Variants in GRAMD1B observed in about 807,000 individuals in gnomAD.
The protein encoded by GRAMD1B is GRAM domain containing 1B.
In GRAMD1B, 37 loss-of-function variants were observed where a neutral mutation model predicts 99.7. The observed-to-expected ratio is 0.37, with a 90% CI of 0.29 to 0.49. The LOEUF (loss-of-function observed/expected upper bound fraction) is 0.49, where lower values mean the gene tolerates loss of function less well. Ranked by LOEUF, GRAMD1B falls within the 20% of genes least tolerant of loss-of-function variation. The probability of loss-of-function intolerance (pLI) is 0.98; values close to 1 mark genes in which losing one functional copy is unlikely to be tolerated. For missense variants in GRAMD1B, 888 were observed against 1,009.2 expected, an observed-to-expected ratio of 0.88 and a Z score of 1.63; for synonymous variants, 427 against 387.6, an observed-to-expected ratio of 1.10 and a Z score of -1.19.
chr11:123,453,269 T>G (rs770271949), intron 1 of GRAMD1B, among the ~76,000 whole-genome samples: 5 of 151,904 alleles, frequency 3.3e-5, no homozygotes, highest in East Asian at 1.9e-4. Context: ...TGTATATATC[T>G]AATACACATC....
intron 2 of GRAMD1B, among the ~76,000 whole-genome samples, chr11:123,515,416 G>A (rs977995365): frequency 1.3e-5 from 2 of 152,296 alleles, no homozygotes; most frequent in African/African-American, 2.4e-5. Context: ...CCAACATGCC[G>A]TTCAAAGGCA....
intron 1 of GRAMD1B, among the ~76,000 whole-genome samples, chr11:123,445,945 T>G (rs1390510048): frequency 6.6e-6 from 1 of 152,128 alleles, no homozygotes; most frequent in Admixed American, 6.5e-5. Flanking sequence ...AAGTTCTACC[T>G]AAGATCTAAC....
At chr11:123,457,393 G>A (rs973937805) in intron 1 of GRAMD1B, among the ~76,000 whole-genome samples, 7 of 152,156 alleles carry the variant, frequency 4.6e-5, no homozygotes, top group African/African-American at 1.4e-4. Context: ...GCCTACCCTC[G>A]TGGTTTAGTT....
intron 1 of GRAMD1B, among the ~76,000 whole-genome samples, chr11:123,414,173 T>C (rs374350844): frequency 3.9e-5 from 6 of 152,120 alleles, no homozygotes; most frequent in African/African-American, 1.4e-4. Flanking sequence ...GCTTCCTGAG[T>C]AGCTGGGACT....
intron 1 of GRAMD1B, among the ~76,000 whole-genome samples, chr11:123,374,227 G>A (rs917206114): frequency 1.3e-5 from 2 of 152,142 alleles, no homozygotes; most frequent in African/African-American, 4.8e-5. Flanking sequence ...CTTTTGTGTT[G>A]TATCTGTTTC....
chr11:123,608,935 G>C, intron 12 of GRAMD1B, 133 bp downstream of exon 12: 1 of 672,454 alleles, frequency 1.5e-6, no homozygotes, highest in Non-Finnish European at 2.5e-6. Flanking sequence ...TCAGGGCCCA[G>C]ACACCCTCTC....
At chr11:123,399,092 C>G (rs984365726) in intron 1 of GRAMD1B, among the ~76,000 whole-genome samples, 1 of 152,120 alleles carries the variant, frequency 6.6e-6, no homozygotes, top group Non-Finnish European at 1.5e-5. Flanking sequence ...TCCTCATTTC[C>G]CTCTCTCCCA....
At chr11:123,537,789 A>G (rs57448942) in intron 2 of GRAMD1B, among the ~76,000 whole-genome samples, 1,553 of 152,322 alleles carry the variant, frequency 0.01, 25 homozygotes, top group African/African-American at 0.035. Context: ...CATAGCAGCA[A>G]TGATAGTTCT....
intron 1 of GRAMD1B, among the ~76,000 whole-genome samples, chr11:123,461,024 GA>G (rs1431997221): frequency 6.6e-6 from 1 of 152,186 alleles, no homozygotes. Context: ...GGCTTTTTAA[GA>G]GGTTTGGCTT....
Position 123,491,070 on chromosome 11 carries a change from C to T in GRAMD1B, c.452+10177C>T, listed in dbSNP as rs373109865. Among the ~76,000 whole-genome samples, 31 of 152,264 alleles carry T rather than the reference C, an allele frequency of 2.0e-4. No homozygotes were observed. In the East Asian group the frequency reaches 3.1e-3, roughly 15 times the overall value. On this transcript the variant is annotated intron_variant, in intron 2 of 19. Coordinates refer to ENST00000635736, the MANE Select transcript of GRAMD1B (RefSeq NM_001387025.1). ...ATTTGTGGCTGGGTGCAGTGGCTCA[C>T]GCCTGTAATCCCAGCACTTTGGGAG...
intron 2 of GRAMD1B, among the ~76,000 whole-genome samples, chr11:123,549,371 T>G (rs887889141): frequency 3.3e-5 from 5 of 151,980 alleles, no homozygotes; most frequent in Admixed American, 2.6e-4. Flanking sequence ...GGTGAAACCA[T>G]CTCTACTAAA....
At chr11:123,609,565 A>G (rs1411921293) in intron 12 of GRAMD1B, among the ~76,000 whole-genome samples, 2 of 152,194 alleles carry the variant, frequency 1.3e-5, no homozygotes, top group Non-Finnish European at 2.9e-5. Context: ...AGGAACAATC[A>G]GCATTCTGGA....
intron 2 of GRAMD1B, among the ~76,000 whole-genome samples, chr11:123,546,279 A>G (rs996784051): frequency 1.3e-5 from 2 of 152,140 alleles, no homozygotes; most frequent in African/African-American, 4.8e-5. Context: ...AGTATGTGGG[A>G]GGCATTACCC....
chr11:123,540,003 A>T (rs1043801238), intron 2 of GRAMD1B, among the ~76,000 whole-genome samples: 6 of 151,926 alleles, frequency 3.9e-5, no homozygotes, highest in Non-Finnish European at 8.8e-5. Context: ...CTTGGGTTAG[A>T]TATCATTCTG....
chr11:123,585,854 C>T (rs1246001551), intron 4 of GRAMD1B, among the ~76,000 whole-genome samples: 1 of 152,198 alleles, frequency 6.6e-6, no homozygotes, highest in East Asian at 1.9e-4. Context: ...TCTCCTTCCT[C>T]TTCTCATCTG....
chr11:123,404,799 G>C (rs1947796332), intron 1 of GRAMD1B, among the ~76,000 whole-genome samples: 1 of 152,228 alleles, frequency 6.6e-6, no homozygotes, highest in African/African-American at 2.4e-5. Flanking sequence ...GATACTCATC[G>C]TTAAGAGACA....
chr11:123,624,040 A>C lies in GRAMD1B; in HGVS notation c.*1445A>C, dbSNP rs1487235754. On this transcript the variant is annotated 3_prime_UTR_variant, in exon 20 of 20. Transcript: ENST00000635736. ...ACGGGGCCCTCTGGGCACATTCATCATCCCTCATACACTAACTACTGTTTC... is the reference window on the plus strand; with the variant it reads ...ACGGGGCCCTCTGGGCACATTCATCCTCCCTCATACACTAACTACTGTTTC... The C allele has an allele frequency of 1.3e-5, 2 of 152,224 alleles. No homozygotes were observed. Among genetic ancestry groups the C allele is most frequent in the African/African-American group, 4.8e-5 (2 of 41,456 alleles). The allele number at this position is 152,224 out of a possible 1,614,324, so 9.4% of individuals were successfully genotyped here.
intron 2 of GRAMD1B, among the ~76,000 whole-genome samples, chr11:123,558,876 G>A (rs1299526777): frequency 6.6e-6 from 1 of 152,228 alleles, no homozygotes. Flanking sequence ...TTTTCATGAT[G>A]AGCCTGCAGG....
intron 2 of GRAMD1B, among the ~76,000 whole-genome samples, chr11:123,513,911 C>G (rs140010642): frequency 4.5e-4 from 69 of 152,202 alleles, no homozygotes; most frequent in African/African-American, 1.6e-3. Flanking sequence ...CCACCTTGGC[C>G]TCCCACAGTG....
Sources: gnomAD v4.1 joint callset for allele counts (sites outside exome capture counted in the v4.1 genomes callset) on GRCh38, gnomAD v4.1.1 for gene constraint, MANE v1.5 for transcripts, NCBI Gene and HGNC (gene_info 2026-07-23, HGNC 2026-07-21) for gene names.